The following NDST4 variants were observed in gnomAD, a reference collection of about 807,000 sequenced individuals.
The protein encoded by NDST4 is N-heparan sulfate sulfotransferase 4.
A neutral mutation model predicts 100.8 loss-of-function variants in NDST4; 63 were observed. The ratio of observed to expected loss-of-function variants is 0.62; its 90% CI spans 0.51 to 0.77. The LOEUF (loss-of-function observed/expected upper bound fraction) is 0.77, where lower values mean the gene tolerates loss of function less well. Ranked by LOEUF, NDST4 falls within the 30% of genes least tolerant of loss-of-function variation. NDST4 has a pLI of 0.00. For missense variants in NDST4, 943 were observed against 1,018.4 expected (o/e 0.93, Z 1.01); for synonymous variants, 377 against 361.8 (o/e 1.04, Z -0.48).
intron 6 of NDST4, among the ~76,000 whole-genome samples, chr4:114,873,970 A>T (rs1724204186): frequency 6.6e-6 from 1 of 152,140 alleles, no homozygotes; most frequent in African/African-American, 2.4e-5. Context: ...CATCTTCATC[A>T]TTTCTAAGTA....
At chr4:114,915,459 T>A (rs1725149122) in intron 6 of NDST4, among the ~76,000 whole-genome samples, 1 of 152,210 alleles carries the variant, frequency 6.6e-6, no homozygotes, top group Admixed American at 6.5e-5. Flanking sequence ...ATAATAATCT[T>A]GTTAACAGTC....
intron 2 of NDST4, among the ~76,000 whole-genome samples, chr4:115,053,227 T>C (rs1306365980): frequency 6.6e-6 from 1 of 152,114 alleles, no homozygotes; most frequent in Non-Finnish European, 1.5e-5. Context: ...TGTTGTCTTA[T>C]TTACGAAGAA....
chr4:115,005,855 A>T (rs1727402073), intron 2 of NDST4, among the ~76,000 whole-genome samples: 1 of 151,988 alleles, frequency 6.6e-6, no homozygotes, highest in South Asian at 2.1e-4. Context: ...CAACATGGTG[A>T]AACCTCGTCT....
In NDST4 at chr4:114,843,441, G is replaced by GTTCTAC. The variant is rs1414768564; in HGVS notation, c.2115+2376_2115+2381dup. Among the ~76,000 whole-genome samples the GTTCTAC allele has an allele frequency of 5.9e-5, 9 of 152,082 alleles. No individual in the cohort carries two copies. The South Asian group carries it at 1.7e-3, about 28-fold the overall frequency. On this transcript the variant is annotated intron_variant, in intron 10 of 13. Coordinates refer to ENST00000264363, the MANE Select transcript of NDST4 (RefSeq NM_022569.3). ...CACTACTACAGATCATGTTTTCTCA[G>GTTCTAC]TTCTACTTCTACTTCTATGTAATAA...
At chr4:114,939,181 C>T (rs1311424377) in intron 4 of NDST4, among the ~76,000 whole-genome samples, 1 of 152,136 alleles carries the variant, frequency 6.6e-6, no homozygotes, top group East Asian at 1.9e-4. Flanking sequence ...AGCAATCCTC[C>T]AGCATCCAAG....
chr4:114,937,284 A>G, intron 5 of NDST4, 34 bp downstream of exon 5: 1 of 1,608,624 alleles, frequency 6.2e-7, no homozygotes, highest in Non-Finnish European at 8.5e-7. Flanking sequence ...GTAAATATTA[A>G]CATCCTTCAA....
chr4:115,101,042 A>G (rs990703414), intron 1 of NDST4, among the ~76,000 whole-genome samples: 7 of 151,492 alleles, frequency 4.6e-5, no homozygotes, highest in Non-Finnish European at 1.0e-4. Context: ...GATGTAGAGG[A>G]AAAAAAAATC....
intron 6 of NDST4, among the ~76,000 whole-genome samples, chr4:114,909,942 A>T (rs1394612809): frequency 6.6e-6 from 1 of 152,192 alleles, no homozygotes; most frequent in African/African-American, 2.4e-5. Flanking sequence ...GGGTTGGCAT[A>T]AGGAATTATT....
At chr4:114,886,145 T>C (rs1402201425) in intron 6 of NDST4, among the ~76,000 whole-genome samples, 1 of 152,134 alleles carries the variant, frequency 6.6e-6, no homozygotes, top group Non-Finnish European at 1.5e-5. Context: ...AATTTTTAAA[T>C]GGTGAACAAT....
chr4:114,968,388 T>C (rs927061849), intron 4 of NDST4, among the ~76,000 whole-genome samples: 19 of 152,194 alleles, frequency 1.2e-4, no homozygotes, highest in Admixed American at 7.2e-4. Flanking sequence ...TGGGTGAAGA[T>C]GTGAGAATGT....
intron 6 of NDST4, among the ~76,000 whole-genome samples, chr4:114,882,180 CTT>C (rs1203343138): frequency 6.7e-6 from 1 of 149,946 alleles, no homozygotes; most frequent in Non-Finnish European, 1.5e-5. Context: ...CTGGATCAAA[CTT>C]AGCTTTTCAT....
At chr4:115,082,848 A>ATT (rs1233051826) in intron 1 of NDST4, among the ~76,000 whole-genome samples, 19 of 152,204 alleles carry the variant, frequency 1.2e-4, no homozygotes, top group Admixed American at 5.9e-4. Flanking sequence ...TAATTAAATA[A>ATT]TTTAACTGCA....
chr4:114,850,177 C>T (rs1446165062), intron 8 of NDST4, among the ~76,000 whole-genome samples: 2 of 152,046 alleles, frequency 1.3e-5, no homozygotes, highest in Non-Finnish European at 2.9e-5. Flanking sequence ...TAGATGCATG[C>T]AGGGCACAGA....
At chr4:115,078,075 A>G (rs1729225600) in intron 1 of NDST4, among the ~76,000 whole-genome samples, 1 of 152,238 alleles carries the variant, frequency 6.6e-6, no homozygotes, top group Non-Finnish European at 1.5e-5. Flanking sequence ...TTAGTTCAAA[A>G]AAAATGAATG....
intron 2 of NDST4, among the ~76,000 whole-genome samples, chr4:115,042,684 A>C (rs1468691282): frequency 6.6e-6 from 1 of 152,036 alleles, no homozygotes; most frequent in East Asian, 1.9e-4. Flanking sequence ...GGTTTAAGGA[A>C]TCCACTAAGG....
chr4:114,869,977 C>A (rs1724112476), intron 7 of NDST4, among the ~76,000 whole-genome samples: 1 of 152,106 alleles, frequency 6.6e-6, no homozygotes, highest in African/African-American at 2.4e-5. Flanking sequence ...ACAGTAATTT[C>A]TCATTAATGG....
At chr4:114,975,178 A>G (rs1055583114) in intron 3 of NDST4, among the ~76,000 whole-genome samples, 22 of 152,154 alleles carry the variant, frequency 1.4e-4, no homozygotes, top group Admixed American at 1.4e-3. Context: ...GATATCCCTG[A>G]GTGCATTAAT....
chr4:114,854,756 G>A (rs1188294488), intron 7 of NDST4, among the ~76,000 whole-genome samples: 5 of 152,110 alleles, frequency 3.3e-5, no homozygotes, highest in East Asian at 1.9e-4. Context: ...GCATGAGCCC[G>A]ACCAATTTCC....
chr4:115,107,448 G>C lies in NDST4; in HGVS notation c.-247+5996C>G, dbSNP rs147990897. ...GAGACAAAATTCAGCTTGTCAGCTT[G>C]CACATTACAAGAAATTGCTACTCCT... On this transcript the variant is annotated intron_variant, in intron 1 of 13. Coordinates refer to ENST00000264363, the MANE Select transcript of NDST4 (RefSeq NM_022569.3). Among the ~76,000 whole-genome samples the C allele has an allele frequency of 4.9e-3, 739 of 151,210 alleles. 5 individuals are homozygous for C. Among genetic ancestry groups the C allele is most frequent in the Middle Eastern group, 0.01 (3 of 294 alleles).
Sources: allele counts gnomAD v4.1 joint callset (sites outside exome capture counted in the v4.1 genomes callset), GRCh38; gene constraint gnomAD v4.1.1; transcripts MANE v1.5; gene names NCBI Gene and HGNC (gene_info 2026-07-23, HGNC 2026-07-21).